Variants in BICD1 observed in about 807,000 individuals in gnomAD.
The protein encoded by BICD1 is protein bicaudal D homolog 1.
Under a neutral mutation model 92.5 loss-of-function variants are expected in BICD1, and 35 were observed. That is an observed-to-expected ratio of 0.38 (90% CI 0.29 to 0.50). BICD1 has a LOEUF of 0.50. BICD1 is among the 20% of genes least tolerant of loss of function. The pLI, the probability that BICD1 is intolerant of heterozygous loss-of-function variation, is 0.93. For missense variants in BICD1, 950 were observed against 1,189.8 expected, an observed-to-expected ratio of 0.80 and a Z score of 2.97; for synonymous variants, 429 against 465.1, an observed-to-expected ratio of 0.92 and a Z score of 1.00.
intron 1 of BICD1, among the ~76,000 whole-genome samples, chr12:32,165,408 C>G (rs985704276): frequency 3.3e-5 from 5 of 151,916 alleles, no homozygotes. Context: ...CCCAGCTACT[C>G]GGGATGTTGA....
In BICD1 at chr12:32,196,488, C is replaced by T. The variant is rs1054615428; in HGVS notation, c.214-19759C>T. 3.3e-5 allele frequency among the ~76,000 whole-genome samples: 5 copies of T among 152,146 alleles called. No homozygotes were observed. In the East Asian group the frequency reaches 7.7e-4, roughly 23 times the overall value. ...ATCCTGCCATTTGCAAAAACAGAAA[C>T]GAACCTGGAGGACATGATGGTAAGT... is the stretch of plus-strand genomic sequence containing the variant. On this transcript the variant is annotated intron_variant, in intron 1 of 9. Transcript: ENST00000652176.
intron 1 of BICD1, among the ~76,000 whole-genome samples, chr12:32,193,203 G>A (rs925363759): frequency 5.9e-4 from 90 of 152,312 alleles, no homozygotes; most frequent in African/African-American, 2.0e-3. Context: ...AATTGCCACA[G>A]CCACCCCAAC....
At chr12:32,343,333 C>G (rs1438290841) in intron 8 of BICD1, among the ~76,000 whole-genome samples, 2 of 151,936 alleles carry the variant, frequency 1.3e-5, no homozygotes, top group Non-Finnish European at 2.9e-5. Flanking sequence ...CCTCCGTCCC[C>G]TCTTCCTCTT....
At chr12:32,319,324 G>A (rs1472523339) in intron 4 of BICD1, among the ~76,000 whole-genome samples, 1 of 152,030 alleles carries the variant, frequency 6.6e-6, no homozygotes, top group African/African-American at 2.4e-5. Flanking sequence ...TTTGTCAAAT[G>A]CTTTTTCTTC....
At position 32,296,548 on chromosome 12, in the gene BICD1, C is replaced by T. The variant is rs141416153; in HGVS notation, c.579+2402C>T. 3.4e-3 allele frequency among the ~76,000 whole-genome samples: 516 copies of T among 152,210 alleles called. 4 individuals are homozygous for T. Among genetic ancestry groups the T allele is most frequent in the African/African-American group, 0.012 (493 of 41,550 alleles). On this transcript the variant is annotated intron_variant, in intron 3 of 9. Transcript: ENST00000652176. ...CTGAGATTATAGGTGTGAGCCACCA[C>T]GCCTGACCTAAGAAGGGTATTTTCT...
chr12:32,153,949 A>G (rs1035471522), intron 1 of BICD1, among the ~76,000 whole-genome samples: 1 of 151,968 alleles, frequency 6.6e-6, no homozygotes, highest in Non-Finnish European at 1.5e-5. Context: ...CCATCACTGA[A>G]TGCTTGCGGT....
chr12:32,176,471 A>C (rs1303920012), intron 1 of BICD1, among the ~76,000 whole-genome samples: 1 of 152,192 alleles, frequency 6.6e-6, no homozygotes, highest in Non-Finnish European at 1.5e-5. Context: ...CAGTTCAATT[A>C]TTTTTGGACA....
chr12:32,245,979 GA>G (rs1946370428), intron 2 of BICD1, among the ~76,000 whole-genome samples: 1 of 126,666 alleles, frequency 7.9e-6, no homozygotes, highest in Non-Finnish European at 1.6e-5. Flanking sequence ...GCAGTGAGCC[GA>G]GATCGTGTCA....
intron 1 of BICD1, among the ~76,000 whole-genome samples, chr12:32,205,552 T>C (rs1362706293): frequency 6.6e-6 from 1 of 151,528 alleles, no homozygotes; most frequent in Non-Finnish European, 1.5e-5. Flanking sequence ...TCTTTTGTCT[T>C]CTGATTAAAT....
intron 2 of BICD1, among the ~76,000 whole-genome samples, chr12:32,250,916 C>T (rs187000139): frequency 1.7e-3 from 263 of 152,140 alleles, no homozygotes; most frequent in African/African-American, 6.0e-3. Context: ...CCAAGGAGGT[C>T]GAGGCTGCGG....
chr12:32,230,861 C>T (rs188108967), intron 2 of BICD1, among the ~76,000 whole-genome samples: 3 of 116,442 alleles, frequency 2.6e-5, no homozygotes, highest in South Asian at 7.4e-4. Context: ...GTGCATTATG[C>T]ACATCTGTGA....
At chr12:32,273,665 C>T (rs796405964) in intron 2 of BICD1, among the ~76,000 whole-genome samples, 18 of 152,340 alleles carry the variant, frequency 1.2e-4, no homozygotes, top group African/African-American at 4.3e-4. Context: ...CTTTAAATAA[C>T]ATAGTAGAAA....
Position 32,182,429 on chromosome 12 carries a change from G to T in BICD1, c.214-33818G>T, listed in dbSNP as rs537269896. ...TCCCTAGTAGCTGGGATTACAGGTG[G>T]GCGTCACCATGCCCAGGTAATTTTT... is the stretch of plus-strand genomic sequence containing the variant. On this transcript the variant is annotated intron_variant, in intron 1 of 9. Coordinates refer to ENST00000652176, the MANE Select transcript of BICD1 (RefSeq NM_001714.4). Among the ~76,000 whole-genome samples, 290 of 150,962 alleles carry T rather than the reference G, an allele frequency of 1.9e-3. 5 individuals carry two copies. The highest frequency in any genetic ancestry group is 3.4e-3 in the Middle Eastern group (1 of 292).
intron 8 of BICD1, chr12:32,367,462 T>A: frequency 2.1e-6 from 1 of 472,464 alleles, no homozygotes; most frequent in Non-Finnish European, 3.7e-6. Context: ...GTGTCACTAA[T>A]TTTTTAATAC....
chr12:32,231,572 TTTA>T (rs1945888822), intron 2 of BICD1, among the ~76,000 whole-genome samples: 1 of 47,904 alleles, frequency 2.1e-5, no homozygotes, highest in Admixed American at 2.1e-4. Flanking sequence ...TATTTATTTA[TTTA>T]TTTATTTATT....
At chr12:32,367,885 C>A in intron 9 of BICD1, 140 bp downstream of exon 9, 1 of 734,736 alleles carries the variant, frequency 1.4e-6, no homozygotes, top group Non-Finnish European at 2.3e-6. Context: ...CATAGACACA[C>A]ATTGGACACC....
intron 8 of BICD1, among the ~76,000 whole-genome samples, chr12:32,344,328 A>T (rs560913120): frequency 1.3e-5 from 2 of 152,308 alleles, no homozygotes; most frequent in South Asian, 4.1e-4. Flanking sequence ...CTGGTGCAGG[A>T]CTTCGAAGTA....
At chr12:32,206,377 G>A (rs937843227) in intron 1 of BICD1, among the ~76,000 whole-genome samples, 1 of 152,182 alleles carries the variant, frequency 6.6e-6, no homozygotes, top group Non-Finnish European at 1.5e-5. Flanking sequence ...AGGCTAAGGT[G>A]GGCTGATCAC....
In BICD1 at chr12:32,347,913, T is replaced by C. The variant is rs76063186; in HGVS notation, c.2764+8934T>C. 4.3e-3 allele frequency among the ~76,000 whole-genome samples: 654 copies of C among 152,264 alleles called. 4 individuals carry two copies. Among genetic ancestry groups the C allele is most frequent in the African/African-American group, 0.015 (607 of 41,558 alleles). ...TAAATAGCAGAATTTATTGATACCA[T>C]ATATATAGACTGAAAACACATCAAA... On this transcript the variant is annotated intron_variant, in intron 8 of 9. Coordinates refer to ENST00000652176, the MANE Select transcript of BICD1 (RefSeq NM_001714.4).
Sources: gnomAD v4.1 joint callset for allele counts (sites outside exome capture counted in the v4.1 genomes callset) on GRCh38, gnomAD v4.1.1 for gene constraint, MANE v1.5 for transcripts, NCBI Gene and HGNC (gene_info 2026-07-23, HGNC 2026-07-21) for gene names.